The following GRIK2 variants were observed in gnomAD, a reference collection of about 807,000 sequenced individuals.
The protein encoded by GRIK2 is glutamate ionotropic receptor kainate type subunit 2.
In GRIK2, 32 loss-of-function variants were observed where a neutral mutation model predicts 100.3. The observed-to-expected ratio is 0.32, with a 90% CI of 0.24 to 0.43. The LOEUF is 0.43. Ranked by LOEUF, GRIK2 falls within the 20% of genes least tolerant of loss-of-function variation. The pLI, the probability that GRIK2 is intolerant of heterozygous loss-of-function variation, is 1.00. For synonymous variants in GRIK2, 417 were observed against 389.4 expected, an observed-to-expected ratio of 1.07 and a Z score of -0.83; for missense variants, 843 against 1,114.9, an observed-to-expected ratio of 0.76 and a Z score of 3.47.
intron 7 of GRIK2, among the ~76,000 whole-genome samples, chr6:101,761,950 C>T (rs1038504014): frequency 3.5e-5 from 3 of 86,752 alleles, no homozygotes; most frequent in Non-Finnish European, 5.8e-5. Context: ...TCCTTTCCTT[C>T]CTTCCCTTCC....
At chr6:101,509,559 A>G (rs905356255) in intron 2 of GRIK2, among the ~76,000 whole-genome samples, 4 of 152,352 alleles carry the variant, frequency 2.6e-5, no homozygotes, top group African/African-American at 9.6e-5. Flanking sequence ...GGAGACACTC[A>G]GAAGTCTGCC....
intron 7 of GRIK2, among the ~76,000 whole-genome samples, chr6:101,798,896 CATTTG>C (rs1780488016): frequency 2.6e-5 from 4 of 152,074 alleles, no homozygotes; most frequent in Non-Finnish European, 4.4e-5. Flanking sequence ...AGTGGTTGGT[CATTTG>C]AGCAGGTGCA....
chr6:101,951,711 G>A (rs1013070590), intron 14 of GRIK2, among the ~76,000 whole-genome samples: 2 of 152,122 alleles, frequency 1.3e-5, no homozygotes, highest in Non-Finnish European at 2.9e-5. Flanking sequence ...AGTCTCATGA[G>A]ATCTGATGAT....
intron 7 of GRIK2, among the ~76,000 whole-genome samples, chr6:101,703,367 A>G (rs1191146932): frequency 6.6e-6 from 1 of 151,882 alleles, no homozygotes; most frequent in Non-Finnish European, 1.5e-5. Flanking sequence ...CAGGAAGACT[A>G]GAGAAGAAAG....
intron 2 of GRIK2, among the ~76,000 whole-genome samples, chr6:101,544,447 C>A (rs1413338493): frequency 6.6e-6 from 1 of 152,118 alleles, no homozygotes; most frequent in Non-Finnish European, 1.5e-5. Flanking sequence ...GAATGAAAAC[C>A]AGGTTTTGGT....
At chr6:101,623,798 G>A (rs1340489014) in intron 3 of GRIK2, among the ~76,000 whole-genome samples, 2 of 152,242 alleles carry the variant, frequency 1.3e-5, no homozygotes, top group East Asian at 3.9e-4. Context: ...GCTGAAATAA[G>A]TGTATGAATA....
chr6:101,469,279 T>C (rs951631953), intron 2 of GRIK2, among the ~76,000 whole-genome samples: 6 of 151,908 alleles, frequency 3.9e-5, no homozygotes, highest in Non-Finnish European at 5.9e-5. Flanking sequence ...AACATGCAAA[T>C]GAAAAAAAGG....
intron 2 of GRIK2, among the ~76,000 whole-genome samples, chr6:101,603,210 A>C (rs902649399): frequency 1.3e-5 from 2 of 151,738 alleles, no homozygotes; most frequent in African/African-American, 4.8e-5. Context: ...CCACAGTATC[A>C]ACTGAATACA....
intron 12 of GRIK2, among the ~76,000 whole-genome samples, chr6:101,917,330 T>A (rs1341445562): frequency 6.6e-6 from 1 of 151,726 alleles, no homozygotes. Flanking sequence ...CACCAGTGGA[T>A]CCATGCTCAC....
chr6:101,970,530 G>A (rs769881667), intron 14 of GRIK2, among the ~76,000 whole-genome samples: 9 of 151,964 alleles, frequency 5.9e-5, no homozygotes, highest in Non-Finnish European at 1.0e-4. Flanking sequence ...GGTGGATTAT[G>A]CAGACATTTA....
At chr6:101,725,125 T>C (rs1774770494) in intron 7 of GRIK2, among the ~76,000 whole-genome samples, 1 of 152,080 alleles carries the variant, frequency 6.6e-6, no homozygotes, top group Non-Finnish European at 1.5e-5. Flanking sequence ...ACACGGGTAA[T>C]AATCATTCAT....
chr6:101,994,868 A>C (rs1468924916), intron 14 of GRIK2, among the ~76,000 whole-genome samples: 3 of 151,914 alleles, frequency 2.0e-5, no homozygotes, highest in African/African-American at 7.2e-5. Flanking sequence ...ACAGTAAGAA[A>C]TAAGAGAAAA....
chr6:102,051,601 A>G lies in GRIK2; in HGVS notation c.2312-3729A>G, dbSNP rs544101480. ...GTGTGAATTTTAGACAAAATATTTCATATGATCTGACAAAAAAGTGAAAAT... is the reference window on the plus strand; with the variant it reads ...GTGTGAATTTTAGACAAAATATTTCGTATGATCTGACAAAAAAGTGAAAAT... On this transcript the variant is annotated intron_variant, in intron 15 of 16. Transcript: ENST00000369134. Among the ~76,000 whole-genome samples the G allele has an allele frequency of 1.5e-4, 23 of 152,252 alleles. No individual in the cohort carries two copies. In the South Asian group the frequency reaches 4.8e-3, roughly 32 times the overall value.
chr6:101,965,314 T>A (rs1792590318), intron 14 of GRIK2, among the ~76,000 whole-genome samples: 2 of 152,180 alleles, frequency 1.3e-5, no homozygotes, highest in South Asian at 2.1e-4. Flanking sequence ...TTAGAAAAAA[T>A]TTGTAAACCT....
At chr6:101,951,835 C>A (rs1791622245) in intron 14 of GRIK2, among the ~76,000 whole-genome samples, 1 of 152,224 alleles carries the variant, frequency 6.6e-6, no homozygotes, top group Non-Finnish European at 1.5e-5. Flanking sequence ...CCAAGTGGAA[C>A]TATGAGTCCA....
chr6:102,032,147 G>C lies in GRIK2; in HGVS notation c.2086-3194G>C, dbSNP rs768219887. Among the ~76,000 whole-genome samples, 104 of 151,176 alleles carry C rather than the reference G, an allele frequency of 6.9e-4. 1 individual carries two copies. Among genetic ancestry groups the C allele is most frequent in the Non-Finnish European group, 1.4e-3 (93 of 67,516 alleles). On this transcript the variant is annotated intron_variant, in intron 14 of 16. Transcript: ENST00000369134. ...TCACAGAAAGTAGTTTTACAACTTG[G>C]AAGAAGGGACCCTCTGTCTGAAGTT...
intron 2 of GRIK2, among the ~76,000 whole-genome samples, chr6:101,473,392 A>G (rs1772056459): frequency 1.3e-5 from 2 of 151,708 alleles, no homozygotes; most frequent in Admixed American, 1.3e-4. Context: ...TTCCCTATTT[A>G]CCACATGGAT....
At chr6:101,562,996 C>T (rs186134509) in intron 2 of GRIK2, among the ~76,000 whole-genome samples, 23 of 152,312 alleles carry the variant, frequency 1.5e-4, no homozygotes, top group African/African-American at 5.5e-4. Flanking sequence ...GCTGTACCTT[C>T]TCTCACTAAG....
intron 7 of GRIK2, among the ~76,000 whole-genome samples, chr6:101,795,658 T>G (rs1780250740): frequency 6.6e-6 from 1 of 152,176 alleles, no homozygotes; most frequent in Admixed American, 6.5e-5. Context: ...CATACTGGTG[T>G]TTGCAGTGCC....
Sources: gnomAD v4.1 joint callset for allele counts (sites outside exome capture counted in the v4.1 genomes callset) on GRCh38, gnomAD v4.1.1 for gene constraint, MANE v1.5 for transcripts, NCBI Gene and HGNC (gene_info 2026-07-23, HGNC 2026-07-21) for gene names.